DPP10: variants seen among roughly 807,000 people sequenced by gnomAD.
The protein encoded by DPP10 is dipeptidyl peptidase like 10, also known as inactive dipeptidyl peptidase 10.
Under a neutral mutation model 120.9 loss-of-function variants are expected in DPP10, and 33 were observed. The ratio of observed to expected loss-of-function variants is 0.27; its 90% CI spans 0.21 to 0.37. The LOEUF (loss-of-function observed/expected upper bound fraction) is 0.37. Among genes scored for constraint, DPP10 ranks in the 10% least tolerant of loss-of-function variants. The probability of loss-of-function intolerance (pLI) is 1.00; values close to 1 mark genes in which losing one functional copy is unlikely to be tolerated. For missense variants in DPP10, 816 were observed against 942.8 expected, an observed-to-expected ratio of 0.87 and a Z score of 1.76; for synonymous variants, 337 against 326.1, an observed-to-expected ratio of 1.03 and a Z score of -0.36.
At chr2:115,549,403 G>A (rs1307405583) in intron 5 of DPP10, among the ~76,000 whole-genome samples, 3 of 151,908 alleles carry the variant, frequency 2.0e-5, no homozygotes, top group Non-Finnish European at 2.9e-5. Context: ...CTTGATCTCC[G>A]TCCCTTTCTA....
chr2:114,995,612 T>C (rs544166472), intron 1 of DPP10, among the ~76,000 whole-genome samples: 12 of 152,314 alleles, frequency 7.9e-5, no homozygotes, highest in African/African-American at 2.9e-4. Flanking sequence ...TAAAAAATTA[T>C]ATATTTTTTC....
intron 1 of DPP10, among the ~76,000 whole-genome samples, chr2:114,820,768 C>T (rs758435229): frequency 2.6e-5 from 4 of 152,126 alleles, no homozygotes; most frequent in Non-Finnish European, 5.9e-5. Flanking sequence ...CATGAGTTCC[C>T]TTCGACAAAA....
At chr2:114,551,193 C>A (rs985802226) in intron 1 of DPP10, among the ~76,000 whole-genome samples, 1 of 152,120 alleles carries the variant, frequency 6.6e-6, no homozygotes, top group African/African-American at 2.4e-5. Context: ...AAATTCAAAT[C>A]CACCTGTCCA....
At chr2:114,832,949 C>G (rs964067100) in intron 1 of DPP10, among the ~76,000 whole-genome samples, 5 of 152,086 alleles carry the variant, frequency 3.3e-5, no homozygotes, top group Non-Finnish European at 4.4e-5. Flanking sequence ...TGTATGCATG[C>G]ATCTGTGTGT....
intron 1 of DPP10, among the ~76,000 whole-genome samples, chr2:114,843,966 AT>A (rs1207185708): frequency 6.6e-6 from 1 of 152,136 alleles, no homozygotes; most frequent in African/African-American, 2.4e-5. Flanking sequence ...AGGGTAAAAA[AT>A]GTCTTTGGTG....
chr2:115,263,374 T>C (rs1221021318), intron 1 of DPP10, among the ~76,000 whole-genome samples: 1 of 152,216 alleles, frequency 6.6e-6, no homozygotes, highest in Non-Finnish European at 1.5e-5. Context: ...AAGTCTGTGT[T>C]GTGGCTTAAT....
chr2:115,120,396 A>G (rs1297872528), intron 1 of DPP10, among the ~76,000 whole-genome samples: 1 of 152,220 alleles, frequency 6.6e-6, no homozygotes, highest in Non-Finnish European at 1.5e-5. Context: ...CAGACTAGTT[A>G]GTCAGAAGAC....
intron 5 of DPP10, among the ~76,000 whole-genome samples, chr2:115,626,344 C>T (rs1346043055): frequency 2.0e-5 from 3 of 151,772 alleles, no homozygotes; most frequent in Non-Finnish European, 4.4e-5. Context: ...GTAACTTTTA[C>T]TTGATTAATT....
At chr2:115,447,378 G>C (rs1423970155) in intron 3 of DPP10, among the ~76,000 whole-genome samples, 1 of 152,154 alleles carries the variant, frequency 6.6e-6, no homozygotes, top group African/African-American at 2.4e-5. Context: ...AGACTTTTGG[G>C]TTACTGCTGG....
chr2:114,470,609 A>G (rs1679827647), intron 1 of DPP10, among the ~76,000 whole-genome samples: 1 of 152,162 alleles, frequency 6.6e-6, no homozygotes, highest in Non-Finnish European at 1.5e-5. Flanking sequence ...CCTTGATTGA[A>G]CTGGTGTCCA....
chr2:115,827,318 C>CATGTATATGCATATGTAT (rs1688429971), intron 21 of DPP10, among the ~76,000 whole-genome samples: 3 of 137,790 alleles, frequency 2.2e-5, no homozygotes, highest in East Asian at 2.1e-4. Context: ...TACACATGTA[C>CATGTATATGCATATGTAT]ATGTATATGT....
At chr2:115,074,208 G>A (rs1481658774) in intron 1 of DPP10, among the ~76,000 whole-genome samples, 3 of 151,736 alleles carry the variant, frequency 2.0e-5, no homozygotes, top group Non-Finnish European at 4.4e-5. Flanking sequence ...CAGAAATAAG[G>A]AATCTGCCCA....
intron 1 of DPP10, chr2:115,144,498 C>CA (rs2051111714): frequency 6.6e-6 from 1 of 151,790 alleles, no homozygotes; most frequent in African/African-American, 2.4e-5. Flanking sequence ...ATCTGACCCA[C>CA]GTTTGTAGTT....
At chr2:114,995,756 A>C (rs891829629) in intron 1 of DPP10, among the ~76,000 whole-genome samples, 14 of 152,252 alleles carry the variant, frequency 9.2e-5, no homozygotes, top group African/African-American at 3.4e-4. Context: ...TTTAGTAAAC[A>C]CATTAGGTCT....
intron 1 of DPP10, among the ~76,000 whole-genome samples, chr2:114,794,873 G>A (rs1574205352): frequency 2.0e-5 from 3 of 152,144 alleles, no homozygotes; most frequent in African/African-American, 7.2e-5. Flanking sequence ...ACCTCAGAAT[G>A]ATGAAATGGA....
At chr2:114,697,660 G>A (rs1195661068) in intron 1 of DPP10, among the ~76,000 whole-genome samples, 3 of 147,138 alleles carry the variant, frequency 2.0e-5, no homozygotes, top group Non-Finnish European at 4.4e-5. Flanking sequence ...TAAGGCAGGA[G>A]AATTGCTTGA....
At chr2:115,506,214 A>G (rs925684531) in intron 4 of DPP10, among the ~76,000 whole-genome samples, 25 of 152,098 alleles carry the variant, frequency 1.6e-4, no homozygotes, top group Non-Finnish European at 2.9e-4. Context: ...CACATTACAT[A>G]ATACAGATAT....
intron 1 of DPP10, among the ~76,000 whole-genome samples, chr2:114,751,285 G>T (rs1378664363): frequency 6.6e-6 from 1 of 152,206 alleles, no homozygotes; most frequent in African/African-American, 2.4e-5. Context: ...TCTGCAAAAT[G>T]CCAAATATAT....
rs192757379 is a variant in DPP10, at chr2:115,288,447, G to A, written c.61-20792G>A. On this transcript the variant is annotated intron_variant, in intron 1 of 25. Coordinates refer to ENST00000410059, the MANE Select transcript of DPP10 (RefSeq NM_020868.6). Reference sequence around the variant, plus strand: ...AAAACCCTCAACCTGGTCAGGCGTGGTGGCTCACACCTGTAATCCCAGCAC... The same window carrying A: ...AAAACCCTCAACCTGGTCAGGCGTGATGGCTCACACCTGTAATCCCAGCAC... 7.2e-5 allele frequency among the ~76,000 whole-genome samples: 11 copies of A among 152,178 alleles called. No homozygotes were observed. In the East Asian group the frequency reaches 2.1e-3, roughly 30 times the overall value.
Sources: gnomAD v4.1 joint callset for allele counts (sites outside exome capture counted in the v4.1 genomes callset) on GRCh38, gnomAD v4.1.1 for gene constraint, MANE v1.5 for transcripts, NCBI Gene and HGNC (gene_info 2026-07-23, HGNC 2026-07-21) for gene names.